The following FAM107B variants were observed in gnomAD, a reference collection of about 807,000 sequenced individuals.
The protein encoded by FAM107B is family with sequence similarity 107 member B.
FAM107B carries 21 observed loss-of-function variants against 31.5 expected under a neutral mutation model. The observed-to-expected ratio is 0.67, with a 90% CI of 0.47 to 0.96. The LOEUF is 0.96. FAM107B is among the 40% of genes least tolerant of loss of function. The probability of loss-of-function intolerance (pLI) is 0.00; values close to 1 mark genes in which losing one functional copy is unlikely to be tolerated. For missense variants in FAM107B, 452 were observed against 377.1 expected, an observed-to-expected ratio of 1.20 and a Z score of -1.64; for synonymous variants, 157 against 141.5, an observed-to-expected ratio of 1.11 and a Z score of -0.78.
intron 1 of FAM107B, among the ~76,000 whole-genome samples, chr10:14,725,195 G>C (rs1258554661): frequency 6.6e-6 from 1 of 152,124 alleles, no homozygotes; most frequent in Middle Eastern, 3.2e-3. Context: ...TACAGAGCCA[G>C]GCTTGTGCGG....
At chr10:14,617,228 C>G (rs1242656830) in intron 2 of FAM107B, among the ~76,000 whole-genome samples, 1 of 152,110 alleles carries the variant, frequency 6.6e-6, no homozygotes, top group African/African-American at 2.4e-5. Flanking sequence ...AGGAAACAAG[C>G]CTTTCCTGTT....
intron 1 of FAM107B, among the ~76,000 whole-genome samples, chr10:14,748,925 T>C (rs1047632630): frequency 6.6e-6 from 1 of 152,250 alleles, no homozygotes; most frequent in South Asian, 2.1e-4. Context: ...TGTGGCCTCC[T>C]TGCTTAAGCG....
chr10:14,699,425 G>A (rs1031992461), intron 1 of FAM107B, among the ~76,000 whole-genome samples: 2 of 152,170 alleles, frequency 1.3e-5, no homozygotes, highest in East Asian at 1.9e-4. Flanking sequence ...CCAGGGAGCC[G>A]ATGGTGTAAG....
intron 2 of FAM107B, among the ~76,000 whole-genome samples, chr10:14,569,361 A>G (rs987903652): frequency 6.6e-6 from 1 of 152,158 alleles, no homozygotes. Context: ...GGGAGGGTAC[A>G]TGTTGTGTTG....
chr10:14,697,527 T>C (rs1855295648), intron 1 of FAM107B, among the ~76,000 whole-genome samples: 1 of 152,268 alleles, frequency 6.6e-6, no homozygotes, highest in African/African-American at 2.4e-5. Flanking sequence ...AATCTGTTTT[T>C]CTTCCTCTTA....
chr10:14,543,450 G>C (rs1848413127), intron 2 of FAM107B, among the ~76,000 whole-genome samples: 2 of 152,054 alleles, frequency 1.3e-5, no homozygotes, highest in South Asian at 4.1e-4. Flanking sequence ...CTGAGCTCGG[G>C]AGAGAGGCAC....
intron 2 of FAM107B, among the ~76,000 whole-genome samples, chr10:14,664,538 C>T (rs963384617): frequency 1.3e-5 from 2 of 152,160 alleles, no homozygotes; most frequent in African/African-American, 4.8e-5. Flanking sequence ...GTTATAATTG[C>T]CTACAATATC....
At chr10:14,662,378 C>CTTTT (rs3035295) in intron 2 of FAM107B, among the ~76,000 whole-genome samples, 1 of 139,666 alleles carries the variant, frequency 7.2e-6, no homozygotes, top group Non-Finnish European at 1.5e-5. Flanking sequence ...TCTGACCTGT[C>CTTTT]TTTTTTTTTT....
intron 2 of FAM107B, among the ~76,000 whole-genome samples, chr10:14,548,075 A>G (rs1177362230): frequency 6.6e-6 from 1 of 152,238 alleles, no homozygotes; most frequent in African/African-American, 2.4e-5. Context: ...ACCAAAAACA[A>G]GAAAGGAGTA....
chr10:14,615,162 C>T (rs1436167474), intron 2 of FAM107B, among the ~76,000 whole-genome samples: 2 of 152,022 alleles, frequency 1.3e-5, no homozygotes, highest in East Asian at 1.9e-4. Flanking sequence ...AAACTCATCT[C>T]TACTAAAAAT....
intron 1 of FAM107B, among the ~76,000 whole-genome samples, chr10:14,702,504 A>G (rs1475640605): frequency 1.3e-5 from 2 of 151,830 alleles, no homozygotes; most frequent in South Asian, 2.1e-4. Context: ...ACACCACAAC[A>G]CCCAAATACT....
intron 2 of FAM107B, among the ~76,000 whole-genome samples, chr10:14,566,699 A>G (rs1364002354): frequency 2.6e-5 from 4 of 152,244 alleles, no homozygotes; most frequent in South Asian, 2.1e-4. Context: ...AGAAAGTAGA[A>G]CATGCTCTCA....
At chr10:14,553,952 G>A (rs555410558) in intron 2 of FAM107B, among the ~76,000 whole-genome samples, 3 of 152,104 alleles carry the variant, frequency 2.0e-5, no homozygotes, top group Non-Finnish European at 4.4e-5. Context: ...GTTTTAAAGC[G>A]GTTCAGGGGG....
Position 14,654,829 on chromosome 10 carries a change from C to G in FAM107B, c.469+12805G>C, listed in dbSNP as rs544442468. Among the ~76,000 whole-genome samples the G allele has an allele frequency of 5.5e-4, 84 of 152,210 alleles. 2 individuals are homozygous for G. The South Asian group carries it at 0.017, about 30-fold the overall frequency. On this transcript the variant is annotated intron_variant, in intron 2 of 4. Coordinates refer to ENST00000181796, the MANE Select transcript of FAM107B (RefSeq NM_031453.4). Reference sequence around the variant, plus strand: ...TAATCATTAAAATCATTAAATGCCCCTCAGTGGATGCATAGAACACTGTGT... The same window carrying G: ...TAATCATTAAAATCATTAAATGCCCGTCAGTGGATGCATAGAACACTGTGT...
At chr10:14,542,313 G>A (rs562224442) in intron 2 of FAM107B, among the ~76,000 whole-genome samples, 5 of 150,588 alleles carry the variant, frequency 3.3e-5, no homozygotes, top group Admixed American at 1.3e-4. Flanking sequence ...AGGATAATAC[G>A]GGCGGTTTAG....
At chr10:14,681,456 C>A (rs1217453223) in intron 1 of FAM107B, among the ~76,000 whole-genome samples, 1 of 152,174 alleles carries the variant, frequency 6.6e-6, no homozygotes, top group Non-Finnish European at 1.5e-5. Context: ...TGAGTCACAT[C>A]CTTTCAGCTC....
intron 2 of FAM107B, among the ~76,000 whole-genome samples, chr10:14,536,699 G>C (rs1284526899): frequency 6.6e-6 from 1 of 152,156 alleles, no homozygotes; most frequent in Non-Finnish European, 1.5e-5. Flanking sequence ...CACCAACCTG[G>C]TGCACCAAGG....
chr10:14,629,436 T>TTA (rs1564606888), intron 2 of FAM107B, among the ~76,000 whole-genome samples: 8,439 of 18,236 alleles, frequency 0.46, 1,236 homozygotes, highest in Admixed American at 0.59. Flanking sequence ...TAATATATAT[T>TTA]ATATATATAT....
intron 1 of FAM107B, among the ~76,000 whole-genome samples, chr10:14,713,695 C>T (rs1855714014): frequency 6.6e-6 from 1 of 152,132 alleles, no homozygotes; most frequent in Non-Finnish European, 1.5e-5. Flanking sequence ...AACAAAGCCA[C>T]ATGTCAACCT....
Sources: allele counts gnomAD v4.1 joint callset (sites outside exome capture counted in the v4.1 genomes callset), GRCh38; gene constraint gnomAD v4.1.1; transcripts MANE v1.5; gene names NCBI Gene and HGNC (gene_info 2026-07-23, HGNC 2026-07-21).